The following ZNF423 variants were observed in gnomAD, a reference collection of about 807,000 sequenced individuals.
ZNF423 encodes zinc finger protein 423.
A neutral mutation model predicts 95.8 loss-of-function variants in ZNF423; 12 were observed. The ratio of observed to expected loss-of-function variants is 0.13; its 90% CI spans 0.08 to 0.20. ZNF423 has a LOEUF of 0.20. Among genes scored for constraint, ZNF423 ranks in the 10% least tolerant of loss-of-function variants. The pLI is 1.00. For missense variants in ZNF423, 1,316 were observed against 1,737.1 expected (o/e 0.76, Z 4.31); for synonymous variants, 749 against 711.9 (o/e 1.05, Z -0.83).
intron 2 of ZNF423, among the ~76,000 whole-genome samples, chr16:49,764,097 T>C (rs2033882381): frequency 6.6e-6 from 1 of 152,142 alleles, no homozygotes; most frequent in South Asian, 2.1e-4. Context: ...GTCGATGTAC[T>C]TTTCTCAGGC....
intron 2 of ZNF423, among the ~76,000 whole-genome samples, chr16:49,783,582 T>TTAGGTG (rs1473945820): frequency 5.1e-5 from 4 of 78,716 alleles, no homozygotes; most frequent in African/African-American, 2.0e-4. Flanking sequence ...AGAGGGGGGG[T>TTAGGTG]TAGGTGTAGG....
intron 3 of ZNF423, among the ~76,000 whole-genome samples, chr16:49,653,409 G>C (rs1204591331): frequency 6.6e-6 from 1 of 151,588 alleles, no homozygotes; most frequent in African/African-American, 2.4e-5. Flanking sequence ...AAGTCTAATT[G>C]GTACCCGGAA....
rs1428337050 is a variant in ZNF423 at position 49,794,530 on chromosome 16, T to C, written c.41-4984A>G. On this transcript the variant is annotated intron_variant, in intron 1 of 7. Transcript: ENST00000563137. ...CAAGCTCTGTGCTGGGGCCAGGCAG[T>C]GGACTTCGAGTACCCTCTGTTCAAG... is the stretch of plus-strand genomic sequence containing the variant. Among the ~76,000 whole-genome samples, 4 of 152,306 alleles carry C rather than the reference T, an allele frequency of 2.6e-5. No homozygotes were observed. In the East Asian group the frequency reaches 7.7e-4, roughly 29 times the overall value.
intron 5 of ZNF423, among the ~76,000 whole-genome samples, chr16:49,594,773 A>G (rs563643834): frequency 2.0e-5 from 3 of 152,306 alleles, no homozygotes; most frequent in East Asian, 3.9e-4. Context: ...AACACAAATT[A>G]GAGCACACAC....
chr16:49,693,127 C>A (rs527322541), intron 3 of ZNF423, among the ~76,000 whole-genome samples: 1 of 152,366 alleles, frequency 6.6e-6, no homozygotes, highest in South Asian at 2.1e-4. Context: ...AAGCATTGTT[C>A]TGAGCACTTT....
chr16:49,696,804 T>G (rs1221618615), intron 3 of ZNF423, among the ~76,000 whole-genome samples: 2 of 152,150 alleles, frequency 1.3e-5, no homozygotes, highest in Non-Finnish European at 2.9e-5. Flanking sequence ...CTGCCCGCCA[T>G]GCAGGCCTGG....
intron 1 of ZNF423, among the ~76,000 whole-genome samples, chr16:49,794,905 C>T (rs1305281388): frequency 1.3e-5 from 2 of 152,172 alleles, no homozygotes; most frequent in African/African-American, 4.8e-5. Flanking sequence ...GAAACAGAGT[C>T]TCACTCTTGT....
At chr16:49,531,021 T>C (rs1324806401) in intron 5 of ZNF423, among the ~76,000 whole-genome samples, 1 of 152,184 alleles carries the variant, frequency 6.6e-6, no homozygotes, top group Non-Finnish European at 1.5e-5. Context: ...TGTTTGAGCC[T>C]GGGGGGTCCC....
At chr16:49,657,312 C>T (rs2029928501) in intron 3 of ZNF423, among the ~76,000 whole-genome samples, 1 of 152,220 alleles carries the variant, frequency 6.6e-6, no homozygotes, top group African/African-American at 2.4e-5. Flanking sequence ...AAAAACACTC[C>T]CTGTCTCCAG....
At chr16:49,579,218 C>G (rs568163672) in intron 5 of ZNF423, among the ~76,000 whole-genome samples, 3 of 149,632 alleles carry the variant, frequency 2.0e-5, no homozygotes, top group East Asian at 2.0e-4. Context: ...CCTGCCCCCC[C>G]ACCCCCACCC....
chr16:49,536,708 T>C (rs1597069301), intron 5 of ZNF423, among the ~76,000 whole-genome samples: 1 of 152,202 alleles, frequency 6.6e-6, no homozygotes, highest in Admixed American at 6.5e-5. Context: ...TGAGCCACTG[T>C]GCCCAGCCTG....
At chr16:49,750,690 G>C (rs564517461) in intron 2 of ZNF423, among the ~76,000 whole-genome samples, 18 of 152,318 alleles carry the variant, frequency 1.2e-4, no homozygotes, top group African/African-American at 4.1e-4. Context: ...ACCCTCTAGT[G>C]GGGAAAAAGA....
chr16:49,667,529 T>A (rs780202572), intron 3 of ZNF423, among the ~76,000 whole-genome samples: 1 of 152,258 alleles, frequency 6.6e-6, no homozygotes, highest in Non-Finnish European at 1.5e-5. Flanking sequence ...AGACCTGCTC[T>A]ATAGGTATTT....
chr16:49,776,735 C>T (rs74018934), intron 2 of ZNF423, among the ~76,000 whole-genome samples: 2,243 of 152,326 alleles, frequency 0.015, 54 homozygotes, highest in African/African-American at 0.052. Context: ...AGGTCCACAC[C>T]AGGGTCAGCC....
chr16:49,606,536 T>A (rs932565541), intron 5 of ZNF423, among the ~76,000 whole-genome samples: 6 of 152,072 alleles, frequency 3.9e-5, no homozygotes, highest in Non-Finnish European at 7.4e-5. Flanking sequence ...GGACTGGGGG[T>A]TATCCCCTCA....
chr16:49,491,383 C>A lies in ZNF423; in HGVS notation c.3850-79G>T. The A allele has an allele frequency of 1.9e-5, 30 of 1,547,504 alleles. No homozygotes were observed. The South Asian group carries it at 3.1e-4, about 16-fold the overall frequency. ...TCGTCCCTCCCACTCAGTGCATTTA[C>A]GCCGGGAGCCGCAGAAAAGCGTCTC... On this transcript the variant is annotated intron_variant, in intron 7 of 7. Coordinates refer to ENST00000563137, the MANE Select transcript of ZNF423 (RefSeq NM_001379286.1).
At chr16:49,847,978 C>T (rs1404323175) in intron 1 of ZNF423, among the ~76,000 whole-genome samples, 1 of 151,970 alleles carries the variant, frequency 6.6e-6, no homozygotes, top group Non-Finnish European at 1.5e-5. Context: ...AAGAAATTAG[C>T]CTGTAGTTCT....
intron 1 of ZNF423, among the ~76,000 whole-genome samples, chr16:49,848,387 ACTT>A (rs2035267406): frequency 6.6e-6 from 1 of 152,222 alleles, no homozygotes; most frequent in Non-Finnish European, 1.5e-5. Context: ...CTCAAAAAAT[ACTT>A]CTTCTGCAAA....
intron 3 of ZNF423, among the ~76,000 whole-genome samples, chr16:49,726,494 C>T (rs1299130531): frequency 6.6e-6 from 1 of 152,148 alleles, no homozygotes; most frequent in Admixed American, 6.5e-5. Context: ...ATAAACACCC[C>T]CTGCTGCAGT....
Sources: allele counts gnomAD v4.1 joint callset (sites outside exome capture counted in the v4.1 genomes callset), GRCh38; gene constraint gnomAD v4.1.1; transcripts MANE v1.5; gene names NCBI Gene and HGNC (gene_info 2026-07-23, HGNC 2026-07-21).